ADGRG2: variants seen among roughly 807,000 people sequenced by gnomAD.
ADGRG2 encodes G protein-coupled receptor 64.
Under a neutral mutation model 74.1 loss-of-function variants are expected in ADGRG2, and 26 were observed. The ratio of observed to expected loss-of-function variants is 0.35; its 90% CI spans 0.26 to 0.49. The LOEUF is 0.49. Among genes scored for constraint, ADGRG2 ranks in the 20% least tolerant of loss-of-function variants. The pLI, the probability that ADGRG2 is intolerant of heterozygous loss-of-function variation, is 0.99. For missense variants in ADGRG2, 619 were observed against 763.1 expected, an observed-to-expected ratio of 0.81 and a Z score of 2.22; for synonymous variants, 296 against 295.2, an observed-to-expected ratio of 1.00 and a Z score of -0.03.
chrX:19,057,259 G>T (rs1047525520), intron 3 of ADGRG2, among the ~76,000 whole-genome samples: 2 of 111,036 alleles, frequency 1.8e-5, no homozygotes, highest in African/African-American at 6.5e-5. Context: ...CTAACACTAG[G>T]TTAGTGAGAA....
chrX:19,096,547 A>T (rs1476529323), intron 1 of ADGRG2, among the ~76,000 whole-genome samples: 3 of 112,088 alleles, frequency 2.7e-5, no homozygotes, highest in Non-Finnish European at 3.8e-5. Context: ...ATCTCAAAAG[A>T]TCTTTTAAAA....
rs193216227 is a variant in ADGRG2 at position 19,028,655 on chromosome X, A to G, written c.359-417T>C. On this transcript the variant is annotated intron_variant, in intron 9 of 28. Transcript: ENST00000379869. ...TACTCTAACGACAACTGATGAGCTA[A>G]AAAAAAAAAAGGCCATGCATAAGTC... Among the ~76,000 whole-genome samples the G allele has an allele frequency of 1.9e-3, 197 of 106,124 alleles. 4 individuals are homozygous for G. In the East Asian group the frequency reaches 0.041, roughly 22 times the overall value. The allele number at this position is 106,124 out of a possible 115,157, so 92.2% of individuals were successfully genotyped here.
At chrX:19,074,621 G>A (rs1226046669) in intron 2 of ADGRG2, among the ~76,000 whole-genome samples, 1 of 89,228 alleles carries the variant, frequency 1.1e-5, no homozygotes, top group Non-Finnish European at 2.1e-5. Context: ...CCAAGCTGGA[G>A]AGCAGTGGCA....
Position 19,009,644 on chromosome X carries a change from T to C in ADGRG2, c.1404A>G (p.Gln468=). 4 of 1,209,287 alleles carry C rather than the reference T, an allele frequency of 3.3e-6. No homozygotes were observed. Among genetic ancestry groups the C allele is most frequent in the Non-Finnish European group, 4.5e-6 (4 of 893,136 alleles). The stretch of plus-strand genomic sequence containing the variant: ...GATGTACCTGAAGATTTGCAGGGTC[T>C]TGGGCCACAAAGGTAGTTGTGTTGA... ...SSFNTTTFVA[Q]DPANLQVSLE... The change falls in exon 18 of 29, where the codon CAA becomes CAG. Residue 468 remains glutamine (Q), a synonymous_variant. Coordinates refer to ENST00000379869, the MANE Select transcript of ADGRG2 (RefSeq NM_001079858.3).
intron 2 of ADGRG2, among the ~76,000 whole-genome samples, chrX:19,070,127 G>C (rs1330874733): frequency 8.9e-6 from 1 of 112,397 alleles, no homozygotes; most frequent in African/African-American, 3.2e-5. Context: ...GAGGGGTTGA[G>C]AGCTGTGGGC....
Position 18,990,835 on chromosome X carries a change from C to T in ADGRG2, c.*29G>A. 1 of 1,090,529 alleles carries T rather than the reference C, an allele frequency of 9.2e-7. No homozygotes were observed. Among genetic ancestry groups the T allele is most frequent in the Non-Finnish European group, 1.3e-6 (1 of 799,961 alleles). The allele number at this position is 1,090,529 out of a possible 1,213,427, so 89.9% of individuals were successfully genotyped here. A position where few individuals can be genotyped will look rare whatever the true frequency, so the allele number is the denominator to read the frequency against. ...AAATTGGACATTTCACACTGTCAAG[C>T]ATCATGCTTTGATTTTAGAAGAAAG... is the stretch of plus-strand genomic sequence containing the variant. On this transcript the variant is annotated 3_prime_UTR_variant, in exon 29 of 29. Transcript: ENST00000379869.
intron 1 of ADGRG2, among the ~76,000 whole-genome samples, chrX:19,090,842 G>A (rs5955691): frequency 0.35 from 38,670 of 110,075 alleles, 6,012 homozygotes; most frequent in African/African-American, 0.6. Context: ...TTCTAATGGG[G>A]AAACAGAGAT....
chrX:19,083,466 G>C (rs895944111), intron 1 of ADGRG2, among the ~76,000 whole-genome samples: 4 of 111,008 alleles, frequency 3.6e-5, no homozygotes, highest in Admixed American at 1.9e-4. Flanking sequence ...ATTTCTTCAT[G>C]TGTTTGTGAC....
intron 6 of ADGRG2, among the ~76,000 whole-genome samples, chrX:19,036,616 AACACACACACACACACAC>A (rs534574581): frequency 3.2e-5 from 3 of 94,688 alleles, no homozygotes; most frequent in African/African-American, 1.1e-4. Context: ...TCATACTTAA[AACACACACACACACACAC>A]ACACACACAC....
At chrX:19,039,989 T>C (rs2061022915) in intron 4 of ADGRG2, among the ~76,000 whole-genome samples, 200 bp downstream of exon 4, 1 of 112,341 alleles carries the variant, frequency 8.9e-6, no homozygotes, top group Non-Finnish European at 1.9e-5. Context: ...TGCCTGGCTT[T>C]GTCCCGCAAT....
intron 1 of ADGRG2, among the ~76,000 whole-genome samples, chrX:19,096,575 T>G (rs777524063): frequency 3.6e-4 from 40 of 111,878 alleles, no homozygotes; most frequent in Non-Finnish European, 6.8e-4. Flanking sequence ...GCCATAAATA[T>G]TACAAGCTGC....
At chrX:18,999,512 T>C (rs953877564) in intron 25 of ADGRG2, among the ~76,000 whole-genome samples, 1 of 112,216 alleles carries the variant, frequency 8.9e-6, no homozygotes, top group African/African-American at 3.2e-5. Context: ...TAGACCTTTT[T>C]TTAAACATTC....
intron 4 of ADGRG2, among the ~76,000 whole-genome samples, chrX:19,038,948 T>C (rs2061000058): frequency 8.9e-6 from 1 of 112,124 alleles, no homozygotes; most frequent in Non-Finnish European, 1.9e-5. Flanking sequence ...GAGCTTGGAC[T>C]TTGGAGGCCT....
At chrX:19,122,868 C>T (rs1021588985), upstream of ADGRG2, among the ~76,000 whole-genome samples, 1 of 111,778 alleles carries the variant, frequency 8.9e-6, no homozygotes, top group Non-Finnish European at 1.9e-5. Flanking sequence ...CTTGGGGACC[C>T]CAACGGACCC....
intron 1 of ADGRG2, among the ~76,000 whole-genome samples, chrX:19,107,865 C>T (rs1326816076): frequency 1.8e-5 from 2 of 108,643 alleles, no homozygotes; most frequent in Non-Finnish European, 3.8e-5. Flanking sequence ...CTTTGGGAGG[C>T]TGAGGCGGGC....
chrX:19,052,111 CG>C (rs2061333872), intron 3 of ADGRG2, among the ~76,000 whole-genome samples: 1 of 111,790 alleles, frequency 8.9e-6, no homozygotes, highest in Non-Finnish European at 1.9e-5. Flanking sequence ...CAATAGGAAA[CG>C]ATCATCCTCA....
At chrX:19,013,640 T>C (rs1569372737) in intron 16 of ADGRG2, 46 bp downstream of exon 16, 1 of 1,078,262 alleles carries the variant, frequency 9.3e-7, no homozygotes, top group Non-Finnish European at 1.2e-6. Context: ...GGTCTTATCA[T>C]AGATGTCTTG....
At position 19,029,972 on chromosome X, in the gene ADGRG2, T is replaced by C. The variant is rs2060791801; in HGVS notation, c.358+1012A>G. On this transcript the variant is annotated intron_variant, in intron 9 of 28. Transcript: ENST00000379869. ...TTCCTCCTATATTCTACCTGGAACGTAGTATCAGCAGAAAAATGAGCAAAT... is the reference window on the plus strand; with the variant it reads ...TTCCTCCTATATTCTACCTGGAACGCAGTATCAGCAGAAAAATGAGCAAAT... 2.7e-5 allele frequency among the ~76,000 whole-genome samples: 3 copies of C among 112,085 alleles called. No individual in the cohort carries two copies. The South Asian group carries it at 1.1e-3, about 41-fold the overall frequency.
At chrX:19,019,483 A>C (rs1047883004) in intron 15 of ADGRG2, 116 bp downstream of exon 15, 1 of 471,046 alleles carries the variant, frequency 2.1e-6, no homozygotes, top group African/African-American at 2.4e-5. Flanking sequence ...AGAAAACTGC[A>C]TTTTCCCTAA....
Sources: gnomAD v4.1 joint callset for allele counts (sites outside exome capture counted in the v4.1 genomes callset) on GRCh38, gnomAD v4.1.1 for gene constraint, MANE v1.5 for transcripts, NCBI Gene and HGNC (gene_info 2026-07-23, HGNC 2026-07-21) for gene names.